The following CSNK2A2IP variants were observed in gnomAD, a reference collection of about 807,000 sequenced individuals.
The protein encoded by CSNK2A2IP is casein kinase 2 subunit alpha' interacting protein, also known as casein kinase II subunit alpha'-interacting protein.
the CSNK2A2IP span, among the ~76,000 whole-genome samples, chr3:88,464,113 T>C: frequency 2.3e-5 from 3 of 132,730 alleles, no homozygotes; most frequent in African/African-American, 8.7e-5. Context: ...AATTGAACAA[T>C]GAGAACACAT....
At chr3:88,467,005 C>T in the CSNK2A2IP span, 2 of 1,212,788 alleles carry the variant, frequency 1.6e-6, no homozygotes, top group Non-Finnish European at 2.1e-6. Flanking sequence ...TGAAGACAAC[C>T]TTGAAGGAGT....
At chr3:88,364,801 A>G in the CSNK2A2IP span, among the ~76,000 whole-genome samples, 1 of 152,190 alleles carries the variant, frequency 6.6e-6, no homozygotes, top group Admixed American at 6.6e-5. Flanking sequence ...GGAAAATACA[A>G]TGAAGCACAG....
the CSNK2A2IP span, among the ~76,000 whole-genome samples, chr3:88,410,693 T>C: frequency 1.3e-5 from 2 of 152,064 alleles, no homozygotes; most frequent in Admixed American, 1.3e-4. Context: ...AAATCCAATA[T>C]GAATTTAACG....
At chr3:88,413,486 A>T in the CSNK2A2IP span, among the ~76,000 whole-genome samples, 3 of 151,944 alleles carry the variant, frequency 2.0e-5, no homozygotes, top group African/African-American at 4.8e-5. Context: ...TGTGGTAATG[A>T]TGTGGTTTCA....
the CSNK2A2IP span, among the ~76,000 whole-genome samples, chr3:88,427,904 G>C: frequency 2.6e-5 from 4 of 152,132 alleles, no homozygotes; most frequent in Non-Finnish European, 5.9e-5. Flanking sequence ...TCACTGCCTA[G>C]TGGAGCTGTG....
the CSNK2A2IP span, among the ~76,000 whole-genome samples, chr3:88,350,675 C>T: frequency 6.6e-6 from 1 of 151,362 alleles, no homozygotes; most frequent in Non-Finnish European, 1.5e-5. Context: ...GACTATCCTT[C>T]ATCTTTCATC....
chr3:88,441,569 G>A, the CSNK2A2IP span, among the ~76,000 whole-genome samples: 1 of 152,072 alleles, frequency 6.6e-6, no homozygotes. Flanking sequence ...AGTTACAATA[G>A]CTTGGTATTT....
the CSNK2A2IP span, among the ~76,000 whole-genome samples, chr3:88,397,533 C>A: frequency 7.7e-3 from 1,174 of 152,104 alleles, 24 homozygotes; most frequent in East Asian, 0.063. Context: ...ATTTATTGAA[C>A]AAGCATCTGA....
the CSNK2A2IP span, among the ~76,000 whole-genome samples, chr3:88,357,077 T>C: frequency 6.6e-6 from 1 of 152,136 alleles, no homozygotes; most frequent in Non-Finnish European, 1.5e-5. Context: ...TTTATTTTGT[T>C]AATTGTTTCC....
the CSNK2A2IP span, among the ~76,000 whole-genome samples, chr3:88,387,564 A>G: frequency 6.6e-6 from 1 of 152,078 alleles, no homozygotes; most frequent in Non-Finnish European, 1.5e-5. Context: ...AGTGTGTTAC[A>G]ATTTTGTATG....
At chr3:88,369,318 G>C in the CSNK2A2IP span, among the ~76,000 whole-genome samples, 2 of 150,742 alleles carry the variant, frequency 1.3e-5, no homozygotes, top group African/African-American at 4.9e-5. Context: ...TTGCAAGTTT[G>C]TGTGTGTGTG....
chr3:88,443,832 T>C, the CSNK2A2IP span, among the ~76,000 whole-genome samples: 1 of 152,164 alleles, frequency 6.6e-6, no homozygotes, highest in East Asian at 1.9e-4. Flanking sequence ...TATTTTGATA[T>C]TATTTCCTTT....
At chr3:88,339,339 C>T in the CSNK2A2IP span, among the ~76,000 whole-genome samples, 1 of 151,884 alleles carries the variant, frequency 6.6e-6, no homozygotes, top group Non-Finnish European at 1.5e-5. Flanking sequence ...AACATAATGT[C>T]CTCCAGTTCT....
the CSNK2A2IP span, among the ~76,000 whole-genome samples, chr3:88,411,350 C>CATCT: frequency 0.041 from 6,010 of 146,656 alleles, 376 homozygotes; most frequent in African/African-American, 0.13. Context: ...CTCTATCTAT[C>CATCT]ATCTATCTAT....
chr3:88,434,200 G>A, the CSNK2A2IP span, among the ~76,000 whole-genome samples: 2 of 152,172 alleles, frequency 1.3e-5, no homozygotes, highest in East Asian at 1.9e-4. Context: ...AGAAGTATTC[G>A]AGTGCACTGT....
chr3:88,416,584 A>G, the CSNK2A2IP span, among the ~76,000 whole-genome samples: 1 of 152,302 alleles, frequency 6.6e-6, no homozygotes, highest in African/African-American at 2.4e-5. Context: ...TTCTACTTCT[A>G]CAAAGTCTTC....
At chr3:88,419,240 C>T in the CSNK2A2IP span, among the ~76,000 whole-genome samples, 1 of 152,172 alleles carries the variant, frequency 6.6e-6, no homozygotes, top group Non-Finnish European at 1.5e-5. Context: ...ACCCCCTGGT[C>T]TGTGGAAAAA....
At chr3:88,395,603 A>T in the CSNK2A2IP span, among the ~76,000 whole-genome samples, 4 of 152,170 alleles carry the variant, frequency 2.6e-5, no homozygotes, top group African/African-American at 9.6e-5. Flanking sequence ...TTGCATTTTT[A>T]TATTAATGAT....
chr3:88,428,165 C>T, the CSNK2A2IP span, among the ~76,000 whole-genome samples: 2 of 152,160 alleles, frequency 1.3e-5, no homozygotes, highest in East Asian at 3.9e-4. Flanking sequence ...GGCTGCCCCG[C>T]TGGATTTTAA....
Sources: gnomAD v4.1 joint callset for allele counts (sites outside exome capture counted in the v4.1 genomes callset) on GRCh38, gnomAD v4.1.1 for gene constraint, MANE v1.5 for transcripts, NCBI Gene and HGNC (gene_info 2026-07-23, HGNC 2026-07-21) for gene names.